TMCC1: variants seen among roughly 807,000 people sequenced by gnomAD.
The protein encoded by TMCC1 is transmembrane and coiled-coil domains protein 1.
A neutral mutation model predicts 52.4 loss-of-function variants in TMCC1; 15 were observed. That is an observed-to-expected ratio of 0.29 (90% CI 0.19 to 0.44). The LOEUF is 0.44. Among genes scored for constraint, TMCC1 ranks in the 20% least tolerant of loss-of-function variants. The pLI is 1.00. For missense variants in TMCC1, 503 were observed against 806.0 expected (o/e 0.62, Z 4.55); for synonymous variants, 279 against 301.9 (o/e 0.92, Z 0.79).
At chr3:129,703,158 A>C (rs958789445) in intron 4 of TMCC1, among the ~76,000 whole-genome samples, 4 of 152,204 alleles carry the variant, frequency 2.6e-5, no homozygotes, top group Non-Finnish European at 5.9e-5. Flanking sequence ...TTGTTACTTA[A>C]TTTTCCACTA....
At chr3:129,875,490 CAAAAAAAAAAAA>C (rs370431347) in intron 2 of TMCC1, among the ~76,000 whole-genome samples, 1 of 17,324 alleles carries the variant, frequency 5.8e-5, no homozygotes, top group Non-Finnish European at 1.4e-4. Flanking sequence ...GACTCCATCT[CAAAAAAAAAAAA>C]AAAAAAAAAA....
chr3:129,762,906 A>G (rs910117961), intron 4 of TMCC1, among the ~76,000 whole-genome samples: 1 of 152,078 alleles, frequency 6.6e-6, no homozygotes, highest in African/African-American at 2.4e-5. Flanking sequence ...GTTTATAAAA[A>G]TACCATTATA....
At chr3:129,771,797 A>AG (rs1553864007) in intron 4 of TMCC1, among the ~76,000 whole-genome samples, 7 of 86,884 alleles carry the variant, frequency 8.1e-5, no homozygotes, top group African/African-American at 1.9e-4. Context: ...AAAAAAAAAA[A>AG]AAGAAGAAGA....
intron 4 of TMCC1, among the ~76,000 whole-genome samples, chr3:129,677,671 T>C (rs532442382): frequency 4.4e-4 from 67 of 152,316 alleles, no homozygotes; most frequent in African/African-American, 1.4e-3. Flanking sequence ...ATAGGGTCTA[T>C]GATAATCTGG....
At chr3:129,874,248 A>G (rs1039806040) in intron 2 of TMCC1, among the ~76,000 whole-genome samples, 1 of 152,216 alleles carries the variant, frequency 6.6e-6, no homozygotes, top group Non-Finnish European at 1.5e-5. Flanking sequence ...AGAATTCTCA[A>G]AGTGACTCAA....
intron 4 of TMCC1, among the ~76,000 whole-genome samples, chr3:129,805,389 C>T (rs1386719299): frequency 6.6e-6 from 1 of 152,122 alleles, no homozygotes; most frequent in East Asian, 1.9e-4. Flanking sequence ...TCTCGAACTC[C>T]TGGGCTCAAA....
At chr3:129,837,407 G>C (rs1577037900) in intron 2 of TMCC1, among the ~76,000 whole-genome samples, 1 of 152,048 alleles carries the variant, frequency 6.6e-6, no homozygotes, top group Non-Finnish European at 1.5e-5. Flanking sequence ...GGTATTACTG[G>C]GAAAATTTGA....
chr3:129,739,386 CA>C (rs2051259706), intron 4 of TMCC1, among the ~76,000 whole-genome samples: 1 of 152,130 alleles, frequency 6.6e-6, no homozygotes, highest in Admixed American at 6.5e-5. Flanking sequence ...CAGGCTGTCT[CA>C]AACTCCTGAC....
chr3:129,661,130 T>C (rs1305501762), intron 5 of TMCC1, among the ~76,000 whole-genome samples: 1 of 152,226 alleles, frequency 6.6e-6, no homozygotes, highest in Non-Finnish European at 1.5e-5. Context: ...GTAACTATTG[T>C]TCACAGAGAT....
At chr3:129,701,898 A>G (rs1027540969) in intron 4 of TMCC1, among the ~76,000 whole-genome samples, 2 of 152,238 alleles carry the variant, frequency 1.3e-5, no homozygotes, top group African/African-American at 4.8e-5. Flanking sequence ...CTACTTACAA[A>G]GCAACTGGAC....
At chr3:129,769,867 C>T (rs1397434567) in intron 4 of TMCC1, among the ~76,000 whole-genome samples, 4 of 152,180 alleles carry the variant, frequency 2.6e-5, no homozygotes, top group South Asian at 2.1e-4. Flanking sequence ...TTTTTAAATG[C>T]TCTTCAGTAT....
At chr3:129,704,718 C>T (rs1404784239) in intron 4 of TMCC1, among the ~76,000 whole-genome samples, 1 of 152,100 alleles carries the variant, frequency 6.6e-6, no homozygotes, top group Non-Finnish European at 1.5e-5. Context: ...ACACTCGGCC[C>T]GGGCAGAACA....
In TMCC1 at chr3:129,671,258, G is replaced by A. The variant is rs767279082; in HGVS notation, c.583C>T (p.Arg195Trp). Residue 195 changes from arginine to tryptophan, a missense_variant, in exon 5 of 7, where the codon CGG becomes TGG. This residue lies in a region of TMCC1 where 217 missense variants were observed against 297.9 expected (regional missense o/e 0.73). Transcript: ENST00000393238. ...TGGGCAAGGCTGCTTACTTCCAACC[G>A]TTCGATCTAGTGTAAAAACAAGAGG... Reference protein sequence around the residue: ...GEEGTAERIERLEVSSLAQTS... With the variant: ...GEEGTAERIEWLEVSSLAQTS... The A allele has an allele frequency of 1.8e-5, 29 of 1,606,952 alleles. No individual in the cohort carries two copies. The highest frequency in any genetic ancestry group is 6.6e-5 in the South Asian group (6 of 90,380).
chr3:129,710,527 G>A (rs186570783), intron 4 of TMCC1, among the ~76,000 whole-genome samples: 6 of 152,186 alleles, frequency 3.9e-5, no homozygotes, highest in Admixed American at 3.9e-4. Context: ...TAAAGACTGA[G>A]GACTAGTGAG....
At chr3:129,713,593 G>A (rs2109001836) in intron 4 of TMCC1, among the ~76,000 whole-genome samples, 1 of 151,572 alleles carries the variant, frequency 6.6e-6, no homozygotes, top group Middle Eastern at 3.4e-3. Flanking sequence ...GCACAATCCT[G>A]TAATCCCAGA....
chr3:129,721,824 C>T (rs912908015), intron 4 of TMCC1, among the ~76,000 whole-genome samples: 2 of 152,020 alleles, frequency 1.3e-5, no homozygotes, highest in Non-Finnish European at 2.9e-5. Context: ...TGCAGTGAGC[C>T]GAGATGGCGC....
chr3:129,858,272 G>A (rs774595445), intron 2 of TMCC1, among the ~76,000 whole-genome samples: 1 of 152,148 alleles, frequency 6.6e-6, no homozygotes, highest in Non-Finnish European at 1.5e-5. Flanking sequence ...CCTCCATATC[G>A]CAGCACACTA....
intron 4 of TMCC1, among the ~76,000 whole-genome samples, chr3:129,711,376 A>C (rs538099502): frequency 1.7e-4 from 26 of 152,274 alleles, no homozygotes; most frequent in African/African-American, 5.1e-4. Flanking sequence ...TTTCACTATA[A>C]ATTTTTATTA....
At chr3:129,716,684 G>A (rs1228023095) in intron 4 of TMCC1, among the ~76,000 whole-genome samples, 2 of 151,926 alleles carry the variant, frequency 1.3e-5, no homozygotes, top group African/African-American at 4.8e-5. Context: ...GCCCATGAAG[G>A]TGCCAGTGAT....
Sources: allele counts gnomAD v4.1 joint callset (sites outside exome capture counted in the v4.1 genomes callset), GRCh38; gene constraint gnomAD v4.1.1; regional missense constraint gnomAD v4.1.1; transcripts MANE v1.5; gene names NCBI Gene and HGNC (gene_info 2026-07-23, HGNC 2026-07-21).